Variants in NEGR1 observed in about 807,000 individuals in gnomAD.
NEGR1 encodes the protein IgLON family member 4.
Under a neutral mutation model 40.9 loss-of-function variants are expected in NEGR1, and 10 were observed. The ratio of observed to expected loss-of-function variants is 0.24; its 90% CI spans 0.15 to 0.42. The LOEUF is 0.42. NEGR1 is among the 10% of genes least tolerant of loss of function. The pLI, the probability that NEGR1 is intolerant of heterozygous loss-of-function variation, is 1.00. For missense variants in NEGR1, 352 were observed against 438.9 expected, an observed-to-expected ratio of 0.80 and a Z score of 1.77; for synonymous variants, 185 against 166.8, an observed-to-expected ratio of 1.11 and a Z score of -0.84.
At chr1:71,737,982 C>T (rs1289075705) in intron 3 of NEGR1, among the ~76,000 whole-genome samples, 2 of 152,142 alleles carry the variant, frequency 1.3e-5, no homozygotes, top group African/African-American at 4.8e-5. Context: ...GTTCAGCTTT[C>T]CTATCCATCT....
At chr1:72,143,849 G>T (rs1650777246) in intron 1 of NEGR1, among the ~76,000 whole-genome samples, 1 of 143,856 alleles carries the variant, frequency 7.0e-6, no homozygotes, top group Non-Finnish European at 1.5e-5. Flanking sequence ...TAACAAAGAA[G>T]ATGGTTCTAA....
In NEGR1 at chr1:71,656,910, T is replaced by C. The variant is rs144943845; in HGVS notation, c.667+41098A>G. Among the ~76,000 whole-genome samples the C allele has an allele frequency of 4.7e-4, 72 of 152,344 alleles. No homozygotes were observed. The East Asian group carries it at 0.014, about 29-fold the overall frequency. ...CTAAATAATTGCAACATATCTCTAA[T>C]TCATTTAACACATGGGTTGGGTGTC... is the stretch of plus-strand genomic sequence containing the variant. On this transcript the variant is annotated intron_variant, in intron 4 of 6. Transcript: ENST00000357731.
chr1:72,239,864 T>C (rs1233560386), intron 1 of NEGR1, among the ~76,000 whole-genome samples: 1 of 151,818 alleles, frequency 6.6e-6, no homozygotes, highest in African/African-American at 2.4e-5. Flanking sequence ...TGAACTCCGA[T>C]GATTTTATTT....
intron 1 of NEGR1, among the ~76,000 whole-genome samples, chr1:72,263,323 C>T (rs889823540): frequency 2.6e-5 from 4 of 151,526 alleles, no homozygotes; most frequent in African/African-American, 4.8e-5. Context: ...TACTTACATG[C>T]TGTAGGCATC....
rs1222993912 is a variant in NEGR1, at chr1:71,611,106, G to T, written c.708C>A (p.Thr236=). ...TIQEIKSGTV[T]PGRSGLIRCE... is the part of the protein sequence containing the mutation. Reference sequence around the variant, plus strand: ...ATCTTATCAGGCCACTGCGTCCGGGGGTCACGGTGCCAGATTTAATTTCCT... The same window carrying T: ...ATCTTATCAGGCCACTGCGTCCGGGTGTCACGGTGCCAGATTTAATTTCCT... Residue 236 remains threonine, a synonymous_variant, in exon 5 of 7, where the codon ACC becomes ACA. Transcript: ENST00000357731. The T allele has an allele frequency of 6.2e-6, 10 of 1,613,746 alleles. No individual in the cohort carries two copies. Among genetic ancestry groups the T allele is most frequent in the Non-Finnish European group, 5.1e-6 (6 of 1,179,812 alleles).
intron 1 of NEGR1, among the ~76,000 whole-genome samples, chr1:71,953,211 G>A (rs1646087663): frequency 6.6e-6 from 1 of 151,912 alleles, no homozygotes; most frequent in East Asian, 1.9e-4. Flanking sequence ...GACGGATATG[G>A]GCAAACTAAG....
At chr1:71,945,996 T>C (rs1646015014) in intron 1 of NEGR1, among the ~76,000 whole-genome samples, 1 of 152,196 alleles carries the variant, frequency 6.6e-6, no homozygotes, top group Non-Finnish European at 1.5e-5. Flanking sequence ...ATAAGCACAC[T>C]GATCTTCCCA....
At chr1:71,947,152 A>C (rs931211351) in intron 1 of NEGR1, among the ~76,000 whole-genome samples, 2 of 148,434 alleles carry the variant, frequency 1.3e-5, no homozygotes, top group Admixed American at 1.4e-4. Flanking sequence ...ATATATATGG[A>C]TAACTTTATA....
At chr1:71,831,371 A>G (rs1658834821) in intron 2 of NEGR1, among the ~76,000 whole-genome samples, 2 of 151,954 alleles carry the variant, frequency 1.3e-5, no homozygotes, top group Non-Finnish European at 2.9e-5. Context: ...GATAAAAGCT[A>G]CCCTAGTTTG....
intron 1 of NEGR1, among the ~76,000 whole-genome samples, chr1:72,017,130 G>C (rs1169020610): frequency 9.8e-6 from 1 of 101,718 alleles, no homozygotes; most frequent in African/African-American, 2.9e-5. Context: ...ACATATATGT[G>C]TGTGTGTGTG....
At chr1:72,200,133 T>C (rs993770518) in intron 1 of NEGR1, among the ~76,000 whole-genome samples, 7 of 151,836 alleles carry the variant, frequency 4.6e-5, no homozygotes, top group Non-Finnish European at 7.4e-5. Flanking sequence ...TCAAAGAACT[T>C]AGAACTATAA....
At chr1:71,446,063 A>T (rs1268160244) in intron 6 of NEGR1, among the ~76,000 whole-genome samples, 1 of 152,252 alleles carries the variant, frequency 6.6e-6, no homozygotes, top group Non-Finnish European at 1.5e-5. Flanking sequence ...TAGTGAAGAC[A>T]TCTCAGAATA....
At chr1:72,227,950 C>T (rs1654245115) in intron 1 of NEGR1, among the ~76,000 whole-genome samples, 1 of 152,092 alleles carries the variant, frequency 6.6e-6, no homozygotes, top group African/African-American at 2.4e-5. Context: ...CTTACCTTCT[C>T]TGCTCAGTTT....
chr1:72,103,435 T>G (rs1649018641), intron 1 of NEGR1, among the ~76,000 whole-genome samples: 1 of 152,128 alleles, frequency 6.6e-6, no homozygotes, highest in Non-Finnish European at 1.5e-5. Context: ...CTCCCACCAA[T>G]TCCTTCTAAC....
rs941991259 is a variant in NEGR1, at chr1:71,827,155, GA to G, written c.410-50859del. On this transcript the variant is annotated intron_variant, in intron 2 of 6. Transcript: ENST00000357731. ...CCAGTAAATAGCCAATGACTTTGCA[GA>G]AAAAAAAGGAGCTTTTTTTTCTATT... 1.0e-4 allele frequency among the ~76,000 whole-genome samples: 15 copies of G among 149,964 alleles called. No individual in the cohort carries two copies. In the South Asian group the frequency reaches 2.1e-3, roughly 21 times the overall value.
intron 1 of NEGR1, among the ~76,000 whole-genome samples, chr1:71,985,892 G>T (rs977382749): frequency 4.6e-5 from 7 of 152,148 alleles, no homozygotes; most frequent in African/African-American, 1.7e-4. Flanking sequence ...TTTAGTTGAT[G>T]AAATAATTTT....
intron 6 of NEGR1, among the ~76,000 whole-genome samples, chr1:71,411,998 C>CCA (rs2101263734): frequency 6.6e-6 from 1 of 151,222 alleles, no homozygotes; most frequent in South Asian, 2.1e-4. Context: ...GAGACTCTGT[C>CCA]TAAAAAAAAA....
At chr1:71,864,673 G>T (rs918355412) in intron 2 of NEGR1, among the ~76,000 whole-genome samples, 16 of 152,076 alleles carry the variant, frequency 1.1e-4, no homozygotes, top group African/African-American at 3.4e-4. Context: ...CAAGACAGGA[G>T]CTATTTCCAG....
intron 6 of NEGR1, among the ~76,000 whole-genome samples, chr1:71,436,032 T>C (rs1309010215): frequency 6.6e-6 from 1 of 152,126 alleles, no homozygotes; most frequent in Non-Finnish European, 1.5e-5. Context: ...AGAACTCCAA[T>C]AGAAAGAACA....
Sources: gnomAD v4.1 joint callset for allele counts (sites outside exome capture counted in the v4.1 genomes callset) on GRCh38, gnomAD v4.1.1 for gene constraint, MANE v1.5 for transcripts, NCBI Gene and HGNC (gene_info 2026-07-23, HGNC 2026-07-21) for gene names.